The following OR10R2 variants were observed in gnomAD, a reference collection of about 807,000 sequenced individuals.
The protein encoded by OR10R2 is olfactory receptor 10R2.
OR10R2 carries 1 observed loss-of-function variant against 2.4 expected under a neutral mutation model. The ratio of observed to expected loss-of-function variants is 0.41; its 90% CI spans 0.15 to 1.95. The LOEUF is 1.95. Among genes scored for constraint, OR10R2 ranks in the 30% most tolerant of loss-of-function variants. OR10R2 has a pLI of 0.30. For missense variants in OR10R2, 419 were observed against 373.0 expected (o/e 1.12, Z -1.01); for synonymous variants, 166 against 144.8 (o/e 1.15, Z -1.05).
intron 1 of OR10R2, among the ~76,000 whole-genome samples, chr1:158,472,712 T>C (rs190852046): frequency 1.2e-4 from 18 of 152,294 alleles, no homozygotes; most frequent in African/African-American, 4.3e-4. Context: ...TACAAATACG[T>C]GACAGCAAAG....
chr1:158,477,465 AC>A (rs1458365021), intron 1 of OR10R2, among the ~76,000 whole-genome samples: 1 of 152,218 alleles, frequency 6.6e-6, no homozygotes, highest in Non-Finnish European at 1.5e-5. Context: ...ATTTTAGGAT[AC>A]AAAATCAATC....
chr1:158,475,604 G>C (rs542297728), intron 1 of OR10R2, among the ~76,000 whole-genome samples: 1 of 151,164 alleles, frequency 6.6e-6, no homozygotes, highest in Non-Finnish European at 1.5e-5. Context: ...TTTCTCCATC[G>C]GCTTGTAATA....
chr1:158,473,799 T>C (rs879459622), intron 1 of OR10R2, among the ~76,000 whole-genome samples: 5,038 of 39,620 alleles, frequency 0.13, 484 homozygotes, highest in Middle Eastern at 0.23. Context: ...TCTTTCCCTC[T>C]CTGCTTCCTT....
intron 1 of OR10R2, among the ~76,000 whole-genome samples, chr1:158,473,093 C>T (rs549493390): frequency 2.6e-5 from 4 of 152,142 alleles, no homozygotes; most frequent in Admixed American, 1.3e-4. Context: ...CTTCCTTGAT[C>T]GCTTGCTGGA....
intron 1 of OR10R2, chr1:158,474,460 G>A (rs991727810): frequency 3.9e-5 from 6 of 152,154 alleles, no homozygotes; most frequent in Admixed American, 3.3e-4. Context: ...AAAATAAAGA[G>A]TGTCATAAGA....
At chr1:158,478,661 A>T (rs184428613) in intron 1 of OR10R2, among the ~76,000 whole-genome samples, 5 of 152,298 alleles carry the variant, frequency 3.3e-5, no homozygotes, top group Admixed American at 2.6e-4. Flanking sequence ...CAATGACTCT[A>T]CAATGGACCA....
chr1:158,480,183 C>T, exon 2 of OR10R2: 1 of 1,614,038 alleles, frequency 6.2e-7, no homozygotes, highest in African/African-American at 1.3e-5. Context: ...CCAAGATGCT[C>T]ATCAATCTAC....
chr1:158,475,006 T>C (rs895991320), intron 1 of OR10R2, among the ~76,000 whole-genome samples: 1 of 152,154 alleles, frequency 6.6e-6, no homozygotes, highest in African/African-American at 2.4e-5. Flanking sequence ...TAGCAGGTGT[T>C]GTTCTCAGCA....
intron 1 of OR10R2, among the ~76,000 whole-genome samples, chr1:158,473,857 C>G (rs1656214470): frequency 7.3e-6 from 1 of 136,212 alleles, no homozygotes; most frequent in African/African-American, 3.4e-5. Context: ...TCCCTCCTTC[C>G]CTCTTTCCCT....
At chr1:158,480,714 C>T in exon 2 of OR10R2, 1 of 1,612,770 alleles carries the variant, frequency 6.2e-7, no homozygotes, top group Non-Finnish European at 8.5e-7. Context: ...CCTTCATCTA[C>T]CTGAGGCCTA....
chr1:158,475,408 T>G (rs1177269933), intron 1 of OR10R2, among the ~76,000 whole-genome samples: 1 of 152,088 alleles, frequency 6.6e-6, no homozygotes, highest in Non-Finnish European at 1.5e-5. Flanking sequence ...AAATTTTTTG[T>G]TACTAGTCAT....
At chr1:158,478,164 A>G (rs1571294514) in intron 1 of OR10R2, among the ~76,000 whole-genome samples, 1 of 152,196 alleles carries the variant, frequency 6.6e-6, no homozygotes, top group African/African-American at 2.4e-5. Context: ...CTCAAAGTGG[A>G]TTAAAAATTT....
At chr1:158,474,077 G>T (rs1241173085) in intron 1 of OR10R2, among the ~76,000 whole-genome samples, 1 of 150,850 alleles carries the variant, frequency 6.6e-6, no homozygotes, top group Non-Finnish European at 1.5e-5. Flanking sequence ...AACGTTTGCA[G>T]GGATTATTAT....
At chr1:158,473,846 C>T (rs1254028227) in intron 1 of OR10R2, among the ~76,000 whole-genome samples, 2 of 136,190 alleles carry the variant, frequency 1.5e-5, no homozygotes, top group Non-Finnish European at 3.0e-5. Flanking sequence ...TGCTTCCTCC[C>T]TCCCTCCTTC....
chr1:158,478,825 T>C (rs1038151139), intron 1 of OR10R2, among the ~76,000 whole-genome samples: 3 of 152,170 alleles, frequency 2.0e-5, no homozygotes, highest in Non-Finnish European at 2.9e-5. Context: ...TGTTTGCTCA[T>C]TTTTCTTGAA....
exon 2 of OR10R2, chr1:158,480,125 T>C: frequency 6.2e-7 from 1 of 1,613,946 alleles, no homozygotes; most frequent in Non-Finnish European, 8.5e-7. Context: ...TACTTCTTCC[T>C]TGGCATTCTC....
At chr1:158,479,816 G>A (rs143074759) in intron 1 of OR10R2, 122 bp from the exon 2 acceptor site, 45 of 1,006,332 alleles carry the variant, frequency 4.5e-5, no homozygotes, top group South Asian at 2.2e-4. Flanking sequence ...GTTAGGAACC[G>A]GAAAAGGTGA....
chr1:158,480,165 C>A (rs746395182), exon 2 of OR10R2: 49 of 1,613,956 alleles, frequency 3.0e-5, no homozygotes, highest in Non-Finnish European at 4.0e-5. Flanking sequence ...ACACCTTTGT[C>A]ATTCTACCCA....
intron 1 of OR10R2, among the ~76,000 whole-genome samples, chr1:158,476,563 A>AC (rs1271073046): frequency 6.6e-6 from 1 of 150,500 alleles, no homozygotes; most frequent in Non-Finnish European, 1.5e-5. Context: ...AAAAAAAAAA[A>AC]AGGAAAAAAA....
Sources: gnomAD v4.1 joint callset for allele counts (sites outside exome capture counted in the v4.1 genomes callset) on GRCh38, gnomAD v4.1.1 for gene constraint, MANE v1.5 for transcripts, NCBI Gene and HGNC (gene_info 2026-07-23, HGNC 2026-07-21) for gene names.